Variants in CDK13 observed in about 807,000 individuals in gnomAD.
CDK13 encodes the protein cyclin dependent kinase 13.
In CDK13, 40 loss-of-function variants were observed where a neutral mutation model predicts 137.6. The observed-to-expected ratio is 0.29, with a 90% confidence interval of 0.23 to 0.38. The LOEUF (loss-of-function observed/expected upper bound fraction) is 0.38, where lower values mean the gene tolerates loss of function less well. Among genes scored for constraint, CDK13 ranks in the 10% least tolerant of loss-of-function variants. The pLI is 1.00. For synonymous variants in CDK13, 869 were observed against 760.1 expected (o/e 1.14, Z -2.36); for missense variants, 1,704 against 1,951.8 (o/e 0.87, Z 2.39).
intron 5 of CDK13, among the ~76,000 whole-genome samples, chr7:40,036,455 C>A (rs893314476): frequency 6.6e-6 from 1 of 152,046 alleles, no homozygotes; most frequent in Admixed American, 6.5e-5. Context: ...ACCTGTAATC[C>A]CAGCTACTCT....
At chr7:39,992,198 G>A (rs926839819) in intron 2 of CDK13, among the ~76,000 whole-genome samples, 2 of 136,588 alleles carry the variant, frequency 1.5e-5, no homozygotes, top group Non-Finnish European at 3.2e-5. Context: ...GTGTGTGTGT[G>A]TGTATACACT....
At chr7:40,035,076 C>T (rs1003748887) in intron 5 of CDK13, among the ~76,000 whole-genome samples, 1 of 152,026 alleles carries the variant, frequency 6.6e-6, no homozygotes, top group African/African-American at 2.4e-5. Flanking sequence ...CACAGATAAA[C>T]TCTTAGAGTT....
Position 40,063,782 on chromosome 7 carries a change from C to T in CDK13, c.2780+682C>T, listed in dbSNP as rs1159233860. ...AAGCAATTCTCCTGCCTCAGCCTCC[C>T]GAGTAGCTCAGATTACGGGTGCCCA... On this transcript the variant is annotated intron_variant, in intron 9 of 13. Transcript: ENST00000181839. 3.9e-5 allele frequency among the ~76,000 whole-genome samples: 6 copies of T among 151,944 alleles called. No homozygotes were observed. The South Asian group carries it at 8.3e-4, about 21-fold the overall frequency.
intron 7 of CDK13, among the ~76,000 whole-genome samples, chr7:40,050,228 A>C (rs1313105189): frequency 2.0e-5 from 3 of 152,200 alleles, no homozygotes; most frequent in Non-Finnish European, 4.4e-5. Context: ...AAATGTTAGC[A>C]GAGCCAAGGG....
At chr7:40,080,981 A>G (rs1192582370) in intron 11 of CDK13, among the ~76,000 whole-genome samples, 1 of 132,826 alleles carries the variant, frequency 7.5e-6, no homozygotes, top group Non-Finnish European at 1.6e-5. Context: ...CAGTTGACCC[A>G]ATAATTTCTC....
In CDK13 at chr7:39,951,757, C is replaced by A; in HGVS notation, c.1116C>A (p.Arg372=). Residue 372 remains arginine, a synonymous_variant, in exon 1 of 14, where the codon CGC becomes CGA. Transcript: ENST00000181839. ...YSRRRSPSYS[R]HSSYERGGDV... Reference sequence around the variant, plus strand: ...GCCGCCGCTCCCCCAGCTACAGCCGCCACAGCTCCTACGAGCGGGGCGGCG... The same window carrying A: ...GCCGCCGCTCCCCCAGCTACAGCCGACACAGCTCCTACGAGCGGGGCGGCG... 6.7e-7 allele frequency: 1 copy of A among 1,493,680 alleles called. No individual in the cohort carries two copies. Among genetic ancestry groups the A allele is most frequent in the Non-Finnish European group, 8.8e-7 (1 of 1,134,338 alleles). 92.5% of individuals were successfully genotyped at this position (1,493,680 alleles called of 1,614,324 possible).
At chr7:40,059,257 G>A (rs910310068) in intron 7 of CDK13, 11 of 152,176 alleles carry the variant, frequency 7.2e-5, no homozygotes, top group East Asian at 1.9e-4. Flanking sequence ...TTGTGGATAC[G>A]GTGCAGCTTA....
chr7:39,992,163 G>GGGT lies in CDK13; in HGVS notation c.1871+3906_1871+3907insGTG, dbSNP rs550297232. On this transcript the variant is annotated intron_variant, in intron 2 of 13. Coordinates refer to ENST00000181839, the MANE Select transcript of CDK13 (RefSeq NM_003718.5). ...CTAGTTGTTTAAGAGAACTAATGAG[G>GGGT]GTGTGTGTGTGTGTGTGTGTGTGTG... 2.5e-3 allele frequency among the ~76,000 whole-genome samples: 371 copies of GGGT among 146,406 alleles called. 6 individuals carry two copies. Among genetic ancestry groups the GGGT allele is most frequent in the South Asian group, 7.3e-3 (33 of 4,508 alleles).
chr7:40,029,643 A>G (rs1056415549), intron 5 of CDK13, among the ~76,000 whole-genome samples: 14 of 150,476 alleles, frequency 9.3e-5, no homozygotes, highest in Non-Finnish European at 5.9e-5. Context: ...GAGAGAGAGA[A>G]AAGATTCTTT....
chr7:39,965,350 T>C (rs951715392), intron 1 of CDK13, among the ~76,000 whole-genome samples: 1 of 152,238 alleles, frequency 6.6e-6, no homozygotes, highest in African/African-American at 2.4e-5. Flanking sequence ...CTTGTTGAAT[T>C]GATCCCTTTA....
intron 1 of CDK13, among the ~76,000 whole-genome samples, chr7:39,963,820 T>C (rs1305594734): frequency 6.6e-6 from 1 of 152,230 alleles, no homozygotes; most frequent in Non-Finnish European, 1.5e-5. Flanking sequence ...TTGAGAGTTT[T>C]TAGCATGAAG....
chr7:40,016,477 G>A (rs1335369703), intron 5 of CDK13, among the ~76,000 whole-genome samples: 1 of 152,120 alleles, frequency 6.6e-6, no homozygotes, highest in African/African-American at 2.4e-5. Context: ...TATAGTAGTT[G>A]ATCCATCATA....
At chr7:39,955,410 T>C (rs1444548623) in intron 1 of CDK13, among the ~76,000 whole-genome samples, 1 of 152,128 alleles carries the variant, frequency 6.6e-6, no homozygotes, top group East Asian at 1.9e-4. Flanking sequence ...TTGGTTACAA[T>C]ATGAAGGTGG....
At chr7:40,015,548 A>T in intron 5 of CDK13, among the ~76,000 whole-genome samples, 1 of 152,212 alleles carries the variant, frequency 6.6e-6, no homozygotes, top group East Asian at 1.9e-4. Flanking sequence ...CTTCACATAG[A>T]ATATGGCACA....
intron 5 of CDK13, among the ~76,000 whole-genome samples, chr7:40,037,403 G>C (rs1405080884): frequency 6.6e-6 from 1 of 152,160 alleles, no homozygotes; most frequent in East Asian, 1.9e-4. Context: ...CTTGATGGGA[G>C]GTCTCACTTA....
At position 40,096,523 on chromosome 7, in the gene CDK13, G is replaced by C. The variant is rs1223100017; in HGVS notation, c.*1543G>C. On this transcript the variant is annotated 3_prime_UTR_variant, in exon 14 of 14. Transcript: ENST00000181839. ...TATCACTAAATGGAAAAATTGACTG[G>C]AAGTTAGAGTTGTGCCAATTAATCA... 1 of 152,066 alleles carries C rather than the reference G, an allele frequency of 6.6e-6. No homozygotes were observed. Among genetic ancestry groups the C allele is most frequent in the Non-Finnish European group, 1.5e-5 (1 of 67,986 alleles). 9.4% of individuals were successfully genotyped at this position (152,066 alleles called of 1,614,324 possible). A position where few individuals can be genotyped will look rare whatever the true frequency, so the allele number is the denominator to read the frequency against.
intron 1 of CDK13, among the ~76,000 whole-genome samples, chr7:39,965,580 A>G (rs1487437322): frequency 1.3e-5 from 2 of 152,166 alleles, no homozygotes; most frequent in Admixed American, 6.5e-5. Context: ...CAATTTGCCC[A>G]TCTGTGTCTT....
At chr7:39,988,901 G>A (rs986053374) in intron 2 of CDK13, among the ~76,000 whole-genome samples, 1 of 151,738 alleles carries the variant, frequency 6.6e-6, no homozygotes, top group Non-Finnish European at 1.5e-5. Context: ...GGCCAACATG[G>A]TGAAACCCCG....
At chr7:40,005,345 A>G (rs529941905) in intron 5 of CDK13, among the ~76,000 whole-genome samples, 1 of 150,392 alleles carries the variant, frequency 6.6e-6, no homozygotes, top group African/African-American at 2.4e-5. Context: ...GCTGGAGTGC[A>G]GTGGCATGGT....
Sources: gnomAD v4.1 joint callset for allele counts (sites outside exome capture counted in the v4.1 genomes callset) on GRCh38, gnomAD v4.1.1 for gene constraint, MANE v1.5 for transcripts, NCBI Gene and HGNC (gene_info 2026-07-23, HGNC 2026-07-21) for gene names.